The following HTT variants were observed in gnomAD, a reference collection of about 807,000 sequenced individuals.
The protein encoded by HTT is huntingtin.
A neutral mutation model predicts 362.3 loss-of-function variants in HTT; 104 were observed. The observed-to-expected ratio is 0.29, with a 90% CI of 0.24 to 0.34. The LOEUF (loss-of-function observed/expected upper bound fraction) is 0.34, where lower values mean the gene tolerates loss of function less well. Among genes scored for constraint, HTT ranks in the 10% least tolerant of loss-of-function variants. HTT has a pLI of 1.00. For synonymous variants in HTT, 1,577 were observed against 1,548.7 expected, an observed-to-expected ratio of 1.02 and a Z score of -0.43; for missense variants, 3,301 against 3,928.6, an observed-to-expected ratio of 0.84 and a Z score of 4.27.
intron 16 of HTT, among the ~76,000 whole-genome samples, chr4:3,132,051 C>G (rs1473598857): frequency 6.6e-6 from 1 of 152,182 alleles, no homozygotes; most frequent in Non-Finnish European, 1.5e-5. Flanking sequence ...ACAAATTGTG[C>G]CTGGTCGCAG....
At chr4:3,233,423 T>C (rs1003707741) in intron 61 of HTT, 70 bp downstream of exon 61, 41 of 1,435,210 alleles carry the variant, frequency 2.9e-5, no homozygotes, top group Admixed American at 1.8e-5. Context: ...AGCATCACCC[T>C]CTCCAAGTGC....
At chr4:3,182,902 C>T (rs987229377) in intron 37 of HTT, among the ~76,000 whole-genome samples, 5 of 152,050 alleles carry the variant, frequency 3.3e-5, no homozygotes, top group Non-Finnish European at 5.9e-5. Context: ...CTTTCCTTTC[C>T]GACAGGGTCT....
At chr4:3,159,816 A>G (rs899509458) in intron 28 of HTT, among the ~76,000 whole-genome samples, 1 of 152,240 alleles carries the variant, frequency 6.6e-6, no homozygotes, top group Non-Finnish European at 1.5e-5. Context: ...GAAATCCTTT[A>G]GAATCTTAAC....
intron 21 of HTT, among the ~76,000 whole-genome samples, chr4:3,139,888 T>G (rs1189503988): frequency 6.6e-6 from 1 of 152,214 alleles, no homozygotes; most frequent in East Asian, 1.9e-4. Context: ...AAGAGAACTT[T>G]CAAAGTTGGT....
chr4:3,187,516 T>C (rs1718823483), intron 38 of HTT, 135 bp from the exon 39 acceptor site: 1 of 666,096 alleles, frequency 1.5e-6, no homozygotes, highest in Admixed American at 2.7e-5. Context: ...GAGCACACTT[T>C]GGGACTCAGT....
intron 3 of HTT, among the ~76,000 whole-genome samples, chr4:3,101,842 A>G (rs1033392714): frequency 6.6e-6 from 1 of 152,120 alleles, no homozygotes; most frequent in Non-Finnish European, 1.5e-5. Context: ...GGCTGAAGTG[A>G]TTTTTGTCTA....
intron 39 of HTT, chr4:3,188,171 A>C (rs545946053): frequency 3.5e-6 from 1 of 287,486 alleles, no homozygotes; most frequent in East Asian, 6.8e-5. Context: ...TCCTGGGGGC[A>C]GGCAGTAGGG....
At chr4:3,131,845 T>C in intron 16 of HTT, 70 bp downstream of exon 16, 1 of 1,474,886 alleles carries the variant, frequency 6.8e-7, no homozygotes, top group Admixed American at 1.9e-5. Flanking sequence ...CAGTATTGAC[T>C]ATTTTAGTTT....
In HTT at chr4:3,236,202, G is replaced by T. The variant is rs765112409; in HGVS notation, c.8839G>T (p.Asp2947Tyr). ...TTCAGACCCTAATCCTGCAGCCCCC[G>T]ACAGCGAGTCAGTGATTGTTGCTAT... ...RTSDPNPAAPDSESVIVAMER... is the reference protein window; with the variant it reads ...RTSDPNPAAPYSESVIVAMER... Residue 2947 changes from aspartate (D) to tyrosine (Y), a missense_variant, in exon 64 of 67, where the codon GAC (aspartate) becomes TAC (tyrosine). Coordinates refer to ENST00000355072, the MANE Select transcript of HTT (RefSeq NM_001388492.1). 1 of 1,614,192 alleles carries T rather than the reference G, an allele frequency of 6.2e-7. No homozygotes were observed. The highest frequency in any genetic ancestry group is 1.1e-5 in the South Asian group (1 of 91,080).
At chr4:3,105,491 C>A in intron 5 of HTT, 55 bp downstream of exon 5, 1 of 1,123,392 alleles carries the variant, frequency 8.9e-7, no homozygotes, top group Non-Finnish European at 1.4e-6. Flanking sequence ...GCTACTGATC[C>A]TTTATGTCTC....
In HTT at chr4:3,117,382, A is replaced by G. The variant is rs556052563; in HGVS notation, c.1068+1119A>G. Among the ~76,000 whole-genome samples the G allele has an allele frequency of 1.7e-4, 26 of 152,166 alleles. 1 individual carries two copies. The South Asian group carries it at 5.0e-3, about 29-fold the overall frequency. On this transcript the variant is annotated intron_variant, in intron 8 of 66. Transcript: ENST00000355072. ...GCTAGCTTTTTATTGAGAATTCCAC[A>G]CATACAAAAGTATCAACTCATGACC...
chr4:3,163,461 C>T (rs1717541645), intron 29 of HTT, among the ~76,000 whole-genome samples: 1 of 152,172 alleles, frequency 6.6e-6, no homozygotes, highest in African/African-American at 2.4e-5. Flanking sequence ...AGGGAGGATT[C>T]TCTCTTTTTC....
At chr4:3,170,372 C>G (rs374633402) in intron 29 of HTT, among the ~76,000 whole-genome samples, 172 of 152,218 alleles carry the variant, frequency 1.1e-3, no homozygotes, top group Middle Eastern at 6.8e-3. Context: ...ATCCTGAGTA[C>G]TCTACCTAAT....
At chr4:3,168,300 T>C (rs1449000141) in intron 29 of HTT, among the ~76,000 whole-genome samples, 3 of 152,232 alleles carry the variant, frequency 2.0e-5, no homozygotes, top group Admixed American at 1.3e-4. Flanking sequence ...CATAGGCCTC[T>C]GCATGTGTGC....
chr4:3,236,935 C>T (rs192508339), intron 64 of HTT, among the ~76,000 whole-genome samples: 33 of 152,336 alleles, frequency 2.2e-4, no homozygotes, highest in Middle Eastern at 6.8e-3. Flanking sequence ...CTTGCCTGTG[C>T]TCTCCAATCA....
chr4:3,192,439 G>A (rs1312122130), intron 40 of HTT, among the ~76,000 whole-genome samples: 1 of 152,176 alleles, frequency 6.6e-6, no homozygotes, highest in Non-Finnish European at 1.5e-5. Flanking sequence ...GACCGAAGAT[G>A]ACCTCTAGCA....
At chr4:3,201,969 C>T (rs1428288967) in intron 41 of HTT, among the ~76,000 whole-genome samples, 2 of 152,208 alleles carry the variant, frequency 1.3e-5, no homozygotes, top group Non-Finnish European at 2.9e-5. Flanking sequence ...TGCATCTCCT[C>T]TCAGGCTGGC....
At chr4:3,079,415 C>A (rs55715200) in intron 1 of HTT, among the ~76,000 whole-genome samples, 1,777 of 152,180 alleles carry the variant, frequency 0.012, 43 homozygotes, top group African/African-American at 0.041. Flanking sequence ...AGCCATCACA[C>A]CTGGCCAGAT....
intron 60 of HTT, among the ~76,000 whole-genome samples, chr4:3,231,092 C>G (rs1578612739): frequency 6.6e-6 from 1 of 152,228 alleles, no homozygotes; most frequent in South Asian, 2.1e-4. Context: ...GAAGCATATT[C>G]AAGGATGGCA....
Sources: gnomAD v4.1 joint callset for allele counts (sites outside exome capture counted in the v4.1 genomes callset) on GRCh38, gnomAD v4.1.1 for gene constraint, MANE v1.5 for transcripts, NCBI Gene and HGNC (gene_info 2026-07-23, HGNC 2026-07-21) for gene names.